The following TCF20 variants were observed in gnomAD, a reference collection of about 807,000 sequenced individuals.
TCF20 encodes SPRE-binding protein.
TCF20 carries 3 observed loss-of-function variants against 148.6 expected under a neutral mutation model. The ratio of observed to expected loss-of-function variants is 0.02; its 90% CI spans 0.01 to 0.05. The LOEUF (loss-of-function observed/expected upper bound fraction) is 0.05. Among genes scored for constraint, TCF20 ranks in the 10% least tolerant of loss-of-function variants. The probability of loss-of-function intolerance (pLI) is 1.00; values close to 1 mark genes in which losing one functional copy is unlikely to be tolerated. For synonymous variants in TCF20, 1,049 were observed against 909.5 expected (o/e 1.15, Z -2.76); for missense variants, 2,350 against 2,429.3 (o/e 0.97, Z 0.69).
intron 1 of TCF20, among the ~76,000 whole-genome samples, chr22:42,314,324 C>T (rs913106724): frequency 3.3e-5 from 5 of 152,398 alleles, no homozygotes; most frequent in Non-Finnish European, 5.9e-5. Flanking sequence ...GGGCTTGACA[C>T]GGACCAGCTG....
At chr22:42,285,411 G>A (rs565843292), upstream of TCF20, among the ~76,000 whole-genome samples, 11 of 151,978 alleles carry the variant, frequency 7.2e-5, 1 homozygote, top group East Asian at 5.8e-4. This position sits in a 1 kb window ranked among gnomAD's most constrained non-coding sequence, Gnocchi z 4.2. Context: ...TAGTATTCCC[G>A]CCTCGGTCCT....
chr22:42,242,864 G>C (rs1046323852), intron 1 of TCF20, among the ~76,000 whole-genome samples: 1 of 152,020 alleles, frequency 6.6e-6, no homozygotes, highest in Admixed American at 6.6e-5. Context: ...TTCAGCTTGG[G>C]TGACAGAGCA....
chr22:42,171,456 T>A (rs1164043330), intron 3 of TCF20, among the ~76,000 whole-genome samples: 1 of 152,146 alleles, frequency 6.6e-6, no homozygotes, highest in East Asian at 1.9e-4. Flanking sequence ...AAGACCCTTT[T>A]ATATTTGGCC....
intron 1 of TCF20, among the ~76,000 whole-genome samples, chr22:42,340,325 ATGAG>A (rs777425709): frequency 2.0e-4 from 30 of 152,316 alleles, no homozygotes; most frequent in African/African-American, 6.3e-4. Flanking sequence ...GGATGAATGA[ATGAG>A]TGAGTGAATA....
intron 1 of TCF20, among the ~76,000 whole-genome samples, chr22:42,280,314 G>A (rs1037602362): frequency 1.3e-5 from 2 of 152,106 alleles, no homozygotes; most frequent in African/African-American, 2.4e-5. Flanking sequence ...GCCCCACGGT[G>A]TGTAGGTGAC....
chr22:42,313,875 G>A (rs564515256), intron 1 of TCF20, among the ~76,000 whole-genome samples: 1 of 152,184 alleles, frequency 6.6e-6, no homozygotes, highest in African/African-American at 2.4e-5. Context: ...GCTGAGGTTA[G>A]AGGCGTGAGT....
At chr22:42,254,595 T>C (rs1369370947) in intron 1 of TCF20, among the ~76,000 whole-genome samples, 2 of 152,180 alleles carry the variant, frequency 1.3e-5, no homozygotes, top group Admixed American at 6.5e-5. Context: ...AGGACTCTAA[T>C]CCTTTCCCAC....
chr22:42,333,838 C>T (rs899374167), intron 1 of TCF20, among the ~76,000 whole-genome samples: 1 of 152,204 alleles, frequency 6.6e-6, no homozygotes, highest in Non-Finnish European at 1.5e-5. Context: ...TAGGGCTTCC[C>T]TCTAGGAGGA....
chr22:42,306,802 GC>G (rs763717005), intron 1 of TCF20, among the ~76,000 whole-genome samples: 5 of 152,162 alleles, frequency 3.3e-5, no homozygotes, highest in Admixed American at 6.5e-5. Context: ...ACTTTGGGAG[GC>G]CAAGGTGGGC....
In TCF20 at chr22:42,214,277, T is replaced by G. The variant is rs150925429; in HGVS notation, c.1029A>C (p.Gln343His). The G allele has an allele frequency of 3.6e-5, 58 of 1,614,092 alleles. No individual in the cohort carries two copies. The African/African-American group carries it at 6.7e-4, about 19-fold the overall frequency. ...CCTCAGGCTGGTTGTACTGCCCCAC[T>G]TGGCTTTGCAGGGGCAGCTTGGTGG... ...NAATKLPLQS[Q>H]VGQYNQPEVP... Residue 343 changes from glutamine to histidine, a missense_variant, in exon 2 of 6, where the codon CAA becomes CAC. By Grantham distance (24) the Gln-to-His change is conservative. Coordinates refer to ENST00000677622, the MANE Select transcript of TCF20 (RefSeq NM_001378418.1).
At chr22:42,336,084 C>T (rs749971549) in intron 1 of TCF20, among the ~76,000 whole-genome samples, 52 of 152,266 alleles carry the variant, frequency 3.4e-4, no homozygotes, top group African/African-American at 5.1e-4. Flanking sequence ...AACCAGCTGG[C>T]GCCAAAAAAC....
At chr22:42,224,826 T>C (rs749108099) in intron 1 of TCF20, among the ~76,000 whole-genome samples, 6 of 152,092 alleles carry the variant, frequency 3.9e-5, no homozygotes, top group African/African-American at 1.4e-4. Context: ...CGTAAACTTA[T>C]ACCTGTGCTA....
At chr22:42,283,467 G>T (rs1193310620) in intron 1 of TCF20, among the ~76,000 whole-genome samples, 2 of 152,026 alleles carry the variant, frequency 1.3e-5, no homozygotes, top group African/African-American at 2.4e-5. Flanking sequence ...CCGGGGCCCT[G>T]CCCTTCACGC....
At chr22:42,311,566 C>T (rs923616369) in intron 1 of TCF20, among the ~76,000 whole-genome samples, 3 of 152,180 alleles carry the variant, frequency 2.0e-5, no homozygotes, top group Non-Finnish European at 4.4e-5. Context: ...CCATCATACA[C>T]CCATGTTGTG....
intron 5 of TCF20, 111 bp from the exon 6 acceptor site, chr22:42,161,469 C>T (rs1000557297): frequency 2.3e-5 from 32 of 1,399,956 alleles, no homozygotes; most frequent in African/African-American, 1.8e-4. Context: ...CCTGCACTCA[C>T]GCCCCTCTGC....
chr22:42,282,610 G>A (rs1304481357), intron 1 of TCF20, among the ~76,000 whole-genome samples: 3 of 152,244 alleles, frequency 2.0e-5, no homozygotes, highest in Non-Finnish European at 4.4e-5. Flanking sequence ...AAGCAGCTGC[G>A]GGCAGAAGTA....
chr22:42,277,509 A>G (rs1202594336), intron 1 of TCF20, among the ~76,000 whole-genome samples: 2 of 152,242 alleles, frequency 1.3e-5, no homozygotes, highest in African/African-American at 4.8e-5. Context: ...CACATGGTGA[A>G]GTTGGAGGAG....
At chr22:42,294,158 C>CCA (rs965563990) in intron 1 of TCF20, among the ~76,000 whole-genome samples, 2 of 152,052 alleles carry the variant, frequency 1.3e-5, no homozygotes, top group Admixed American at 6.5e-5. Context: ...TCCTCCCTCC[C>CCA]CACACACACA....
chr22:42,177,015 C>T (rs979341366), intron 3 of TCF20, among the ~76,000 whole-genome samples: 1 of 152,146 alleles, frequency 6.6e-6, no homozygotes, highest in Non-Finnish European at 1.5e-5. Flanking sequence ...CCAACACAGA[C>T]ATGTTGTTTG....
Sources: gnomAD v4.1 joint callset for allele counts (sites outside exome capture counted in the v4.1 genomes callset) on GRCh38, gnomAD v4.1.1 for gene constraint, Gnocchi (gnomAD v3.1) non-coding constraint, MANE v1.5 for transcripts, NCBI Gene and HGNC (gene_info 2026-07-23, HGNC 2026-07-21) for gene names.